Variants in WDR76 observed in about 807,000 individuals in gnomAD.
WDR76 encodes WD repeat-containing protein 76.
WDR76 carries 52 observed loss-of-function variants against 70.2 expected under a neutral mutation model. That is an observed-to-expected ratio of 0.74 (90% CI 0.59 to 0.93). The LOEUF is 0.93. Among genes scored for constraint, WDR76 ranks in the 40% least tolerant of loss-of-function variants. The pLI, the probability that WDR76 is intolerant of heterozygous loss-of-function variation, is 0.00. For missense variants in WDR76, 756 were observed against 760.2 expected (o/e 0.99, Z 0.07); for synonymous variants, 292 against 271.1 (o/e 1.08, Z -0.76).
intron 9 of WDR76, among the ~76,000 whole-genome samples, chr15:43,856,452 T>C (rs2087928017): frequency 6.6e-6 from 1 of 152,226 alleles, no homozygotes; most frequent in Admixed American, 6.5e-5. Flanking sequence ...TCACATTCAG[T>C]TCTTTTCTGT....
chr15:43,839,703 C>A lies in WDR76; in HGVS notation c.707C>A (p.Pro236Gln). Reference protein sequence around the residue: ...SGVSLPAAPTPPTLVADETPL... With the variant: ...SGVSLPAAPTQPTLVADETPL... ...GTTTCATTACCAGCAGCTCCAACAC[C>A]GCCGACATTAGTAGCAGATGAAACT... Residue 236 changes from proline to glutamine, a missense_variant, in exon 5 of 13, where the codon CCG (proline) becomes CAG (glutamine). Pro to Gln is a moderately conservative substitution (Grantham distance 76). Transcript: ENST00000263795. 6.2e-7 allele frequency: 1 copy of A among 1,609,266 alleles called. No individual in the cohort carries two copies. Among genetic ancestry groups the A allele is most frequent in the Non-Finnish European group, 8.5e-7 (1 of 1,177,324 alleles).
intron 2 of WDR76, among the ~76,000 whole-genome samples, chr15:43,829,464 GA>G (rs1338336379): frequency 6.8e-6 from 1 of 146,594 alleles, no homozygotes; most frequent in Non-Finnish European, 1.5e-5. Flanking sequence ...AGTATTAAAT[GA>G]ATTGGACTTG....
intron 7 of WDR76, among the ~76,000 whole-genome samples, chr15:43,843,019 T>TC (rs2087745819): frequency 1.4e-5 from 2 of 147,410 alleles, no homozygotes; most frequent in African/African-American, 5.0e-5. Flanking sequence ...TTTTCTTTTT[T>TC]TTTTTTTTTT....
intron 8 of WDR76, among the ~76,000 whole-genome samples, chr15:43,845,650 A>G (rs1174532612): frequency 1.3e-5 from 2 of 150,544 alleles, no homozygotes; most frequent in Non-Finnish European, 3.0e-5. Flanking sequence ...CTGTATCAAA[A>G]TATCTTCCCA....
intron 12 of WDR76, among the ~76,000 whole-genome samples, chr15:43,862,941 C>A (rs552190524): frequency 3.3e-5 from 5 of 149,920 alleles, no homozygotes; most frequent in East Asian, 4.1e-4. Flanking sequence ...CTGTGCCCAG[C>A]CTATTTTATT....
intron 5 of WDR76, 143 bp from the exon 6 acceptor site, chr15:43,842,272 A>G: frequency 1.5e-6 from 1 of 650,936 alleles, no homozygotes. Context: ...TTGAACAATT[A>G]TTTTGAATGT....
rs148822433 is a variant in WDR76, at chr15:43,841,399, G to A, written c.733-1016G>A. On this transcript the variant is annotated intron_variant, in intron 5 of 12. Coordinates refer to ENST00000263795, the MANE Select transcript of WDR76 (RefSeq NM_024908.4). The stretch of plus-strand genomic sequence containing the variant: ...TTTTTAGTAGAGATGGGGTTTCACT[G>A]CGTTAGCCAGGATGGTCTCAATCTG... Among the ~76,000 whole-genome samples, 32 of 151,860 alleles carry A rather than the reference G, an allele frequency of 2.1e-4. No individual in the cohort carries two copies. In the East Asian group the frequency reaches 6.0e-3, roughly 29 times the overall value.
intron 8 of WDR76, among the ~76,000 whole-genome samples, chr15:43,849,344 A>G (rs778029290): frequency 5.3e-5 from 8 of 152,238 alleles, no homozygotes; most frequent in Non-Finnish European, 1.0e-4. Flanking sequence ...AATACTTGAA[A>G]TTCAAAAATT....
chr15:43,832,743 G>GTTTTTTTTTTTTTTTTTTTTTT (rs201304087), intron 2 of WDR76, among the ~76,000 whole-genome samples: 1 of 68,072 alleles, frequency 1.5e-5, no homozygotes, highest in East Asian at 5.2e-4. Context: ...GGCTTGCTTT[G>GTTTTTTTTTTTTTTTTTTTTTT]TTTTTTTTTT....
rs1030180663 is a variant in WDR76, at chr15:43,866,302, C to A, written c.1791C>A (p.Ser597=). ...FGGEYLVSVC[S]INAMHPTRYI... ...GAGAATACCTTGTCTCTGTGTGTTC[C>A]ATCAATGCCATGCACCCAACTCGGT... Residue 597 remains serine (S), a synonymous_variant, in exon 13 of 13, where the codon TCC becomes TCA. Transcript: ENST00000263795. 1.2e-6 allele frequency: 2 copies of A among 1,613,928 alleles called. No homozygotes were observed. Among genetic ancestry groups the A allele is most frequent in the Non-Finnish European group, 1.7e-6 (2 of 1,180,020 alleles).
chr15:43,861,301 C>T, intron 11 of WDR76, 32 bp from the exon 12 acceptor site: 2 of 1,582,634 alleles, frequency 1.3e-6, no homozygotes, highest in South Asian at 2.2e-5. Context: ...TTTTAAGTAA[C>T]AAAAGAATGT....
At chr15:43,839,494 C>T in intron 4 of WDR76, 111 bp from the exon 5 acceptor site, 2 of 1,090,868 alleles carry the variant, frequency 1.8e-6, no homozygotes, top group Non-Finnish European at 2.5e-6. Flanking sequence ...TATATCTATG[C>T]AGTTTATAAA....
At chr15:43,860,262 A>G (rs1457417300) in intron 11 of WDR76, among the ~76,000 whole-genome samples, 2 of 151,284 alleles carry the variant, frequency 1.3e-5, no homozygotes, top group Non-Finnish European at 2.9e-5. Context: ...CCAAAACACA[A>G]CTCCTCTCCT....
At chr15:43,837,052 A>C (rs865811919) in intron 4 of WDR76, among the ~76,000 whole-genome samples, 4 of 151,596 alleles carry the variant, frequency 2.6e-5, no homozygotes, top group Non-Finnish European at 4.4e-5. Context: ...CAAAAAAAAA[A>C]AAAACAAAAA....
At chr15:43,858,890 C>G (rs767009772) in intron 11 of WDR76, 67 bp downstream of exon 11, 30 of 1,541,992 alleles carry the variant, frequency 1.9e-5, no homozygotes, top group Non-Finnish European at 2.5e-5. Context: ...GTCAGTAAAC[C>G]AAAAGCTTTG....
At chr15:43,861,463 G>C in intron 12 of WDR76, 77 bp downstream of exon 12, 2 of 1,305,188 alleles carry the variant, frequency 1.5e-6, no homozygotes, top group Non-Finnish European at 2.2e-6. Flanking sequence ...TTAGACATCT[G>C]ATTGTCAAAG....
At chr15:43,862,589 A>G (rs919993397) in intron 12 of WDR76, among the ~76,000 whole-genome samples, 27 of 147,012 alleles carry the variant, frequency 1.8e-4, no homozygotes, top group African/African-American at 6.3e-4. Context: ...GCTCACTACA[A>G]GCTCCACCTC....
At chr15:43,841,401 G>A (rs934957651) in intron 5 of WDR76, among the ~76,000 whole-genome samples, 7 of 151,870 alleles carry the variant, frequency 4.6e-5, no homozygotes, top group Non-Finnish European at 1.0e-4. Flanking sequence ...GTTTCACTGC[G>A]TTAGCCAGGA....
rs951857731 is a variant in WDR76 at position 43,866,839 on chromosome 15, G to C, written c.*447G>C. On this transcript the variant is annotated 3_prime_UTR_variant, in exon 13 of 13. Coordinates refer to ENST00000263795, the MANE Select transcript of WDR76 (RefSeq NM_024908.4). ...GATGGGGTTTCATCATGTTGGCCAG[G>C]CTGGTCTCGAGCTCCTGACCTCAGG... 6.3e-6 allele frequency: 1 copy of C among 159,172 alleles called. No individual in the cohort carries two copies. Among genetic ancestry groups the C allele is most frequent in the Non-Finnish European group, 1.4e-5 (1 of 71,940 alleles). The allele number at this position is 159,172 out of a possible 1,614,324, so 9.9% of individuals were successfully genotyped here.
Sources: allele counts gnomAD v4.1 joint callset (sites outside exome capture counted in the v4.1 genomes callset), GRCh38; gene constraint gnomAD v4.1.1; transcripts MANE v1.5; gene names NCBI Gene and HGNC (gene_info 2026-07-23, HGNC 2026-07-21).